Variants in PACRG observed in about 807,000 individuals in gnomAD.
The protein encoded by PACRG is parkin coregulated gene protein.
PACRG carries 29 observed loss-of-function variants against 29.7 expected under a neutral mutation model. That is an observed-to-expected ratio of 0.98 (90% CI 0.73 to 1.33). The LOEUF is 1.33. Among genes scored for constraint, PACRG ranks in the 40% most tolerant of loss-of-function variants. PACRG has a pLI of 0.00. For synonymous variants in PACRG, 116 were observed against 118.7 expected, an observed-to-expected ratio of 0.98 and a Z score of 0.15; for missense variants, 279 against 316.2, an observed-to-expected ratio of 0.88 and a Z score of 0.89.
At chr6:163,075,369 A>G (rs1812448539) in intron 3 of PACRG, among the ~76,000 whole-genome samples, 1 of 152,228 alleles carries the variant, frequency 6.6e-6, no homozygotes, top group African/African-American at 2.4e-5. Flanking sequence ...TTTCCAGACA[A>G]TAAAACTGGA....
At chr6:163,149,602 T>C (rs1265826213) in intron 4 of PACRG, among the ~76,000 whole-genome samples, 3 of 152,076 alleles carry the variant, frequency 2.0e-5, no homozygotes, top group Non-Finnish European at 4.4e-5. Flanking sequence ...CGAGCCTCCC[T>C]GCAGGCCCCT....
rs571078175 is a variant in PACRG, at chr6:162,951,559, G to A, written c.292-110591G>A. ...TGTAGAAAGGGAGGTCCTGTGATACGTCCACAACATCTTTCTGAGAACAGA... is the reference window on the plus strand; with the variant it reads ...TGTAGAAAGGGAGGTCCTGTGATACATCCACAACATCTTTCTGAGAACAGA... On this transcript the variant is annotated intron_variant, in intron 2 of 4. Coordinates refer to ENST00000366888, the MANE Select transcript of PACRG (RefSeq NM_001080379.2). Among the ~76,000 whole-genome samples the A allele has an allele frequency of 4.6e-5, 7 of 152,264 alleles. No individual in the cohort carries two copies. The East Asian group carries it at 1.2e-3, about 25-fold the overall frequency.
chr6:163,074,301 T>G (rs1812343407), intron 3 of PACRG, among the ~76,000 whole-genome samples: 1 of 152,172 alleles, frequency 6.6e-6, no homozygotes, highest in Non-Finnish European at 1.5e-5. Context: ...GTCATTATGT[T>G]AAGTGAAATA....
At chr6:163,044,559 C>T (rs890918275) in intron 2 of PACRG, 2 of 151,918 alleles carry the variant, frequency 1.3e-5, no homozygotes, top group African/African-American at 4.8e-5. Flanking sequence ...TGTTTAGTGT[C>T]AATATAAAAA....
rs371505767 is a variant in PACRG, at chr6:163,155,889, G to C, written c.613+66481G>C. Among the ~76,000 whole-genome samples, 5 of 152,266 alleles carry C rather than the reference G, an allele frequency of 3.3e-5. No individual in the cohort carries two copies. The East Asian group carries it at 7.7e-4, about 24-fold the overall frequency. On this transcript the variant is annotated intron_variant, in intron 4 of 4. Transcript: ENST00000366888. ...GCCTCTAGATCTCTGCACACACCGCGCTGTTCAGGGGCCTTTTTATGTGCT... is the reference window on the plus strand; with the variant it reads ...GCCTCTAGATCTCTGCACACACCGCCCTGTTCAGGGGCCTTTTTATGTGCT...
At chr6:163,224,530 C>T (rs894647408) in intron 4 of PACRG, among the ~76,000 whole-genome samples, 2 of 151,754 alleles carry the variant, frequency 1.3e-5, no homozygotes, top group African/African-American at 4.8e-5. Flanking sequence ...AAAATAAATC[C>T]ACACATTTAT....
At chr6:162,847,211 G>A (rs935664712) in intron 2 of PACRG, among the ~76,000 whole-genome samples, 3 of 152,144 alleles carry the variant, frequency 2.0e-5, no homozygotes, top group Non-Finnish European at 4.4e-5. Context: ...TCCCACTTCA[G>A]CCATACTTTC....
intron 4 of PACRG, among the ~76,000 whole-genome samples, chr6:163,284,566 A>G (rs1466361081): frequency 6.6e-6 from 1 of 152,228 alleles, no homozygotes; most frequent in Non-Finnish European, 1.5e-5. Flanking sequence ...TTTATTTTAG[A>G]TTTTTAAAAC....
intron 4 of PACRG, among the ~76,000 whole-genome samples, chr6:163,131,234 G>T (rs1234554339): frequency 6.7e-6 from 1 of 148,946 alleles, no homozygotes; most frequent in Non-Finnish European, 1.5e-5. Context: ...CGTGAACCCG[G>T]GAGGCGTAGC....
intron 4 of PACRG, among the ~76,000 whole-genome samples, chr6:163,105,979 A>G (rs1388624835): frequency 6.6e-6 from 1 of 152,086 alleles, no homozygotes; most frequent in Non-Finnish European, 1.5e-5. Context: ...ATTTGTTTCA[A>G]GTTCTTTTGT....
chr6:163,126,659 A>G (rs551625982), intron 4 of PACRG, among the ~76,000 whole-genome samples: 1 of 152,362 alleles, frequency 6.6e-6, no homozygotes, highest in East Asian at 1.9e-4. Flanking sequence ...TGCAGAGGTG[A>G]AAATCAAATA....
At chr6:163,010,878 C>T (rs1249199621) in intron 2 of PACRG, among the ~76,000 whole-genome samples, 4 of 152,158 alleles carry the variant, frequency 2.6e-5, no homozygotes, top group Non-Finnish European at 5.9e-5. Context: ...TGACTGAGCG[C>T]GGGCCCCTCC....
chr6:162,947,938 G>T (rs1224592878), intron 2 of PACRG, among the ~76,000 whole-genome samples: 1 of 151,570 alleles, frequency 6.6e-6, no homozygotes, highest in African/African-American at 2.4e-5. Context: ...TCATGGATTG[G>T]AATAATTAAT....
intron 4 of PACRG, among the ~76,000 whole-genome samples, chr6:163,286,332 A>AT (rs1418479892): frequency 6.6e-6 from 1 of 152,226 alleles, no homozygotes; most frequent in Non-Finnish European, 1.5e-5. Context: ...TATTATTGAT[A>AT]CATAAAGTGG....
chr6:162,777,329 G>A lies in PACRG; in HGVS notation c.157-36818G>A, dbSNP rs978227243. 6.6e-6 allele frequency among the ~76,000 whole-genome samples: 1 copy of A among 152,196 alleles called. No individual in the cohort carries two copies. Among genetic ancestry groups the A allele is most frequent in the Non-Finnish European group, 1.5e-5 (1 of 68,034 alleles). ...CTGTGGCACCTTCGCAGACTGAGTG[G>A]CTTGGCATTTGGCTGATGTAGGCCA... On this transcript the variant is annotated intron_variant, in intron 1 of 4. Coordinates refer to ENST00000366888, the MANE Select transcript of PACRG (RefSeq NM_001080379.2). The surrounding 1 kb of genome is among the most constrained non-coding windows in gnomAD (Gnocchi z 4.0).
chr6:162,794,859 G>A (rs764558364), intron 1 of PACRG, among the ~76,000 whole-genome samples: 2 of 152,110 alleles, frequency 1.3e-5, no homozygotes, highest in African/African-American at 2.4e-5. Flanking sequence ...AGGTAGGAAG[G>A]TAATAAACAA....
chr6:162,855,810 A>C (rs1791343395), intron 2 of PACRG, among the ~76,000 whole-genome samples: 1 of 152,150 alleles, frequency 6.6e-6, no homozygotes, highest in African/African-American at 2.4e-5. Flanking sequence ...CAGTTCCTGG[A>C]GCACAGTGGA....
At chr6:163,039,450 G>A (rs376325669) in intron 2 of PACRG, among the ~76,000 whole-genome samples, 1 of 152,232 alleles carries the variant, frequency 6.6e-6, no homozygotes, top group East Asian at 1.9e-4. Flanking sequence ...AAAACAGGCA[G>A]AGATTCAAAC....
At chr6:162,915,125 A>G (rs1192284040) in intron 2 of PACRG, among the ~76,000 whole-genome samples, 2 of 152,056 alleles carry the variant, frequency 1.3e-5, no homozygotes, top group Non-Finnish European at 2.9e-5. Context: ...GTTTTTCACC[A>G]TTAAGTATGA....
Sources: gnomAD v4.1 joint callset for allele counts (sites outside exome capture counted in the v4.1 genomes callset) on GRCh38, gnomAD v4.1.1 for gene constraint, Gnocchi (gnomAD v3.1) non-coding constraint, MANE v1.5 for transcripts, NCBI Gene and HGNC (gene_info 2026-07-23, HGNC 2026-07-21) for gene names.